The following SCN11A variants were observed in gnomAD, a reference collection of about 807,000 sequenced individuals.
SCN11A encodes sodium channel protein type 11 subunit alpha.
In SCN11A, 122 loss-of-function variants were observed where a neutral mutation model predicts 162.2. That is an observed-to-expected ratio of 0.75 (90% CI 0.65 to 0.87). The LOEUF is 0.87. Ranked by LOEUF, SCN11A falls within the 40% of genes least tolerant of loss-of-function variation. The probability of loss-of-function intolerance (pLI) is 0.00; values close to 1 mark genes in which losing one functional copy is unlikely to be tolerated. For synonymous variants in SCN11A, 758 were observed against 751.5 expected, an observed-to-expected ratio of 1.01 and a Z score of -0.14; for missense variants, 2,015 against 2,181.6, an observed-to-expected ratio of 0.92 and a Z score of 1.52.
chr3:38,943,362 G>C (rs1009563395), intron 7 of SCN11A, among the ~76,000 whole-genome samples: 14 of 152,110 alleles, frequency 9.2e-5, no homozygotes, highest in Non-Finnish European at 2.9e-5. Context: ...GAGACGTTTT[G>C]GGGGGTAATT....
In SCN11A at chr3:39,036,079, G is replaced by A. The variant is rs558671641; in HGVS notation, c.-403-3576C>T. 8.7e-4 allele frequency among the ~76,000 whole-genome samples: 132 copies of A among 152,308 alleles called. 1 individual carries two copies. The South Asian group carries it at 0.011, about 13-fold the overall frequency. On this transcript the variant is annotated intron_variant, in intron 1 of 29. Coordinates refer to ENST00000302328, the MANE Select transcript of SCN11A (RefSeq NM_001349253.2). The stretch of plus-strand genomic sequence containing the variant: ...TGCAGAAACTTGATTGGCATAGTGC[G>A]TTATAGCCCAGAACTCCTGGACTTA...
At position 38,847,303 on chromosome 3, in the gene SCN11A, G is replaced by A. The variant is rs776478764; in HGVS notation, c.4767C>T (p.Ile1589=). The change falls in exon 30 of 30, where the codon ATC becomes ATT. Residue 1589 remains isoleucine, a synonymous_variant. Transcript: ENST00000302328. ...IATSYFVSYI[I]ISFLIVVNMY... is the part of the protein sequence containing the mutation. Reference sequence around the variant, plus strand: ...TGTTGACAACAATGAGAAAGGAGATGATAATGTAACTGACAAAGTAGGATG... The same window carrying A: ...TGTTGACAACAATGAGAAAGGAGATAATAATGTAACTGACAAAGTAGGATG... The A allele has an allele frequency of 6.2e-7, 1 of 1,614,200 alleles. No homozygotes were observed. Among genetic ancestry groups the A allele is most frequent in the East Asian group, 2.2e-5 (1 of 44,884 alleles).
chr3:39,032,823 T>C (rs149640596), intron 1 of SCN11A, among the ~76,000 whole-genome samples: 1 of 152,174 alleles, frequency 6.6e-6, no homozygotes, highest in Admixed American at 6.5e-5. Context: ...ATGGGTACCA[T>C]TTTTATTACC....
chr3:39,030,739 C>G (rs1207521205), intron 2 of SCN11A, among the ~76,000 whole-genome samples: 1 of 152,132 alleles, frequency 6.6e-6, no homozygotes, highest in African/African-American at 2.4e-5. Flanking sequence ...CACACACACA[C>G]AAAGCACATT....
At chr3:38,893,284 T>C (rs556028663) in intron 19 of SCN11A, among the ~76,000 whole-genome samples, 4 of 152,206 alleles carry the variant, frequency 2.6e-5, no homozygotes, top group African/African-American at 9.6e-5. Context: ...CATTTTATAA[T>C]GATAAAAGAA....
chr3:38,854,291 T>G (rs569304440), intron 28 of SCN11A, among the ~76,000 whole-genome samples: 2 of 152,248 alleles, frequency 1.3e-5, no homozygotes, highest in East Asian at 3.9e-4. Context: ...GACTGAAATA[T>G]TTACTATCTG....
At chr3:38,909,957 G>C in intron 12 of SCN11A, 109 bp downstream of exon 12, 1 of 1,017,714 alleles carries the variant, frequency 9.8e-7, no homozygotes, top group Non-Finnish European at 1.4e-6. Flanking sequence ...AAAAGTGGGG[G>C]ATGAATGGTA....
chr3:39,004,524 G>A (rs1157610155), intron 2 of SCN11A, among the ~76,000 whole-genome samples: 1 of 152,048 alleles, frequency 6.6e-6, no homozygotes, highest in Non-Finnish European at 1.5e-5. Flanking sequence ...TATTCCATAT[G>A]AATTTTAAAA....
chr3:38,921,746 T>C (rs1314828404), intron 9 of SCN11A, among the ~76,000 whole-genome samples: 4 of 152,134 alleles, frequency 2.6e-5, no homozygotes, highest in African/African-American at 9.7e-5. Context: ...ATTATGAGGA[T>C]ATCCTGGGAG....
intron 27 of SCN11A, 103 bp downstream of exon 27, chr3:38,867,218 A>G (rs894486943): frequency 1.1e-5 from 12 of 1,140,558 alleles, no homozygotes; most frequent in African/African-American, 1.6e-5. Context: ...TGTGCAGATC[A>G]TAAAGGCTAC....
intron 24 of SCN11A, 26 bp from the exon 25 acceptor site, chr3:38,871,734 C>T (rs1559498365): frequency 6.4e-7 from 1 of 1,559,548 alleles, no homozygotes; most frequent in Non-Finnish European, 8.6e-7. Flanking sequence ...GCAAAGAAAA[C>T]CATAACAGAT....
chr3:38,984,590 A>C (rs1428799173), intron 2 of SCN11A, among the ~76,000 whole-genome samples: 1 of 151,844 alleles, frequency 6.6e-6, no homozygotes, highest in Non-Finnish European at 1.5e-5. Flanking sequence ...GGCTCACTAC[A>C]ACCTCTGCTT....
intron 17 of SCN11A, among the ~76,000 whole-genome samples, chr3:38,897,855 G>A (rs113445446): frequency 0.011 from 1,684 of 152,174 alleles, 30 homozygotes; most frequent in African/African-American, 0.036. Context: ...AAGCGTCAGC[G>A]AACTCTGGCC....
At chr3:38,854,997 C>T (rs1311573738) in intron 28 of SCN11A, among the ~76,000 whole-genome samples, 1 of 152,232 alleles carries the variant, frequency 6.6e-6, no homozygotes, top group East Asian at 1.9e-4. Flanking sequence ...CTTCCTTGAG[C>T]AGAATCCAGG....
At chr3:38,955,971 G>A (rs891140365) in intron 3 of SCN11A, among the ~76,000 whole-genome samples, 3 of 152,202 alleles carry the variant, frequency 2.0e-5, no homozygotes, top group African/African-American at 4.8e-5. Context: ...AAAAGCCCGG[G>A]TATGGTGTCT....
chr3:38,858,635 C>T (rs2064911811), intron 28 of SCN11A, among the ~76,000 whole-genome samples: 2 of 152,098 alleles, frequency 1.3e-5, no homozygotes. Context: ...AAACAATGGA[C>T]TTAAACTATA....
intron 19 of SCN11A, among the ~76,000 whole-genome samples, chr3:38,889,168 G>A (rs1468296831): frequency 1.3e-5 from 2 of 152,160 alleles, no homozygotes; most frequent in Non-Finnish European, 2.9e-5. Flanking sequence ...GCTTATGCCT[G>A]TAATTCCTGC....
chr3:38,894,502 G>A, intron 19 of SCN11A, 31 bp downstream of exon 19: 1 of 1,530,394 alleles, frequency 6.5e-7, no homozygotes, highest in South Asian at 1.3e-5. Context: ...AGCTTTGTAT[G>A]ACCTTTAAGT....
At position 38,925,416 on chromosome 3, in the gene SCN11A, T is replaced by G; in HGVS notation, c.711A>C (p.Ser237=). 1 of 1,601,684 alleles carries G rather than the reference T, an allele frequency of 6.2e-7. No individual in the cohort carries two copies. The highest frequency in any genetic ancestry group is 8.6e-7 in the Non-Finnish European group (1 of 1,168,706). The change falls in exon 9 of 30, where the codon TCA becomes TCC. Residue 237 remains serine, a splice_region_variant and synonymous_variant. Transcript: ENST00000302328. ...GTGTGGAAAGTGAGAGTGACTTACGTGAAACTACTGAAATTGCTTTCAAAG... is the reference window on the plus strand; with the variant it reads ...GTGTGGAAAGTGAGAGTGACTTACGGGAAACTACTGAAATTGCTTTCAAAG... ...FRALKAISVV[S]RLKVIVGALL...
Sources: gnomAD v4.1 joint callset for allele counts (sites outside exome capture counted in the v4.1 genomes callset) on GRCh38, gnomAD v4.1.1 for gene constraint, MANE v1.5 for transcripts, NCBI Gene and HGNC (gene_info 2026-07-23, HGNC 2026-07-21) for gene names.